CDV3: variants seen among roughly 807,000 people sequenced by gnomAD.
The protein encoded by CDV3 is protein CDV3 homolog.
A neutral mutation model predicts 24.5 loss-of-function variants in CDV3; 14 were observed. The ratio of observed to expected loss-of-function variants is 0.57; its 90% CI spans 0.38 to 0.89. The LOEUF (loss-of-function observed/expected upper bound fraction) is 0.89. CDV3 is among the 40% of genes least tolerant of loss of function. CDV3 has a pLI of 0.00. For missense variants in CDV3, 304 were observed against 310.2 expected, an observed-to-expected ratio of 0.98 and a Z score of 0.15; for synonymous variants, 114 against 114.1, an observed-to-expected ratio of 1.00 and a Z score of 0.00.
At chr3:133,582,533 C>A (rs1476823239) in intron 2 of CDV3, among the ~76,000 whole-genome samples, 1 of 152,200 alleles carries the variant, frequency 6.6e-6, no homozygotes, top group Non-Finnish European at 1.5e-5. Context: ...TAGTCAAGAA[C>A]TTTGTCTTAT....
chr3:133,585,560 T>C (rs914587567), intron 3 of CDV3, among the ~76,000 whole-genome samples: 12 of 151,244 alleles, frequency 7.9e-5, no homozygotes, highest in African/African-American at 2.7e-4. Context: ...AGTGGCACAA[T>C]CTTGGGTCAC....
At chr3:133,579,632 A>T (rs2074941039) in intron 2 of CDV3, among the ~76,000 whole-genome samples, 1 of 150,458 alleles carries the variant, frequency 6.6e-6, no homozygotes, top group African/African-American at 2.5e-5. Context: ...TGCTTTTGTT[A>T]CCCAGGCTGG....
At chr3:133,583,280 T>C (rs1404651954) in intron 2 of CDV3, among the ~76,000 whole-genome samples, 4 of 152,228 alleles carry the variant, frequency 2.6e-5, no homozygotes, top group Non-Finnish European at 5.9e-5. Flanking sequence ...ATTCTGAGAG[T>C]ATTTTATGTG....
chr3:133,582,131 G>GGTAA (rs1198219793), intron 2 of CDV3, among the ~76,000 whole-genome samples: 2 of 151,982 alleles, frequency 1.3e-5, no homozygotes, highest in Non-Finnish European at 2.9e-5. Context: ...CTGGTTGGTA[G>GGTAA]GTAATTCATA....
chr3:133,585,523 C>G (rs1169446006), intron 3 of CDV3, among the ~76,000 whole-genome samples: 1 of 146,256 alleles, frequency 6.8e-6, no homozygotes, highest in Non-Finnish European at 1.5e-5. Flanking sequence ...AAGACAAAGT[C>G]TCACTCTCTT....
chr3:133,583,429 C>A (rs1054119304), intron 2 of CDV3, among the ~76,000 whole-genome samples: 1 of 152,204 alleles, frequency 6.6e-6, no homozygotes, highest in African/African-American at 2.4e-5. Context: ...CTTCAGCTCA[C>A]CTTCTTCTCT....
intron 2 of CDV3, among the ~76,000 whole-genome samples, chr3:133,579,852 C>T (rs570533317): frequency 1.1e-4 from 16 of 152,174 alleles, no homozygotes; most frequent in South Asian, 2.1e-4. Flanking sequence ...CTCTGCCTCC[C>T]AAGATGCTGG....
chr3:133,586,110 T>C (rs1263125699), intron 3 of CDV3, among the ~76,000 whole-genome samples: 1 of 152,132 alleles, frequency 6.6e-6, no homozygotes, highest in Non-Finnish European at 1.5e-5. Context: ...TTTTTCTTTT[T>C]TGAGAGCCGG....
In CDV3 at chr3:133,574,261, G is replaced by T; in HGVS notation, c.217G>T (p.Ala73Ser). 1.0e-6 allele frequency: 1 copy of T among 988,374 alleles called. No homozygotes were observed. Among genetic ancestry groups the T allele is most frequent in the Non-Finnish European group, 1.2e-6 (1 of 832,348 alleles). 61.2% of individuals were successfully genotyped at this position (988,374 alleles called of 1,614,324 possible). ...CAGCGCGGGGGCTGCGGGCCCAGGG[G>T]CCGCCACCAAGGCTGTGACGAAGGT... is the stretch of plus-strand genomic sequence containing the variant. ...TASAGAAGPG[A>S]ATKAVTKDED... is the part of the protein sequence containing the mutation. The change falls in exon 1 of 5, where the codon GCC becomes TCC. Residue 73 changes from alanine to serine, a missense_variant. Physicochemically the swap from Ala to Ser is moderately conservative, Grantham distance 99. Coordinates refer to ENST00000264993, the MANE Select transcript of CDV3 (RefSeq NM_017548.5).
At chr3:133,587,784 C>T (rs1933766366) in intron 4 of CDV3, 112 bp from the exon 5 acceptor site, 17 of 1,480,164 alleles carry the variant, frequency 1.1e-5, no homozygotes, top group South Asian at 3.0e-5. Context: ...TCCACTCCTA[C>T]CCCTCCCCAG....
intron 3 of CDV3, among the ~76,000 whole-genome samples, chr3:133,585,739 G>A (rs1489406678): frequency 6.6e-6 from 1 of 152,062 alleles, no homozygotes; most frequent in African/African-American, 2.4e-5. Context: ...CAGGTGATCT[G>A]CCTGCCTCGG....
chr3:133,583,774 C>T (rs1473777523), intron 2 of CDV3, among the ~76,000 whole-genome samples: 1 of 152,146 alleles, frequency 6.6e-6, no homozygotes, highest in Admixed American at 6.5e-5. Flanking sequence ...GTTGCCCAGC[C>T]TGGTCTTGAA....
At chr3:133,582,785 G>A (rs990990554) in intron 2 of CDV3, among the ~76,000 whole-genome samples, 2 of 152,162 alleles carry the variant, frequency 1.3e-5, no homozygotes, top group Non-Finnish European at 2.9e-5. Context: ...CCATTGTCAT[G>A]AAAAATAATT....
Position 133,589,226 on chromosome 3 carries a change from C to G in CDV3, c.*1180C>G, listed in dbSNP as rs531383345. ...TTGTGCATGATCTTTGATAAGAATT[C>G]CTCATGTACTTGTGCCTAGTTTTTC... On this transcript the variant is annotated 3_prime_UTR_variant, in exon 5 of 5. Coordinates refer to ENST00000264993, the MANE Select transcript of CDV3 (RefSeq NM_017548.5). The G allele has an allele frequency of 5.9e-5, 9 of 152,570 alleles. No individual in the cohort carries two copies. The highest frequency in any genetic ancestry group is 1.9e-4 in the African/African-American group (8 of 41,422). 9.5% of individuals were successfully genotyped at this position (152,570 alleles called of 1,614,324 possible). A position where few individuals can be genotyped will look rare whatever the true frequency, so the allele number is the denominator to read the frequency against.
intron 1 of CDV3, 107 bp from the exon 2 acceptor site, chr3:133,574,932 T>C: frequency 1.2e-6 from 1 of 800,800 alleles, no homozygotes; most frequent in Non-Finnish European, 2.1e-6. Flanking sequence ...GACAAGTACA[T>C]ACTTAGTTTA....
chr3:133,576,191 T>C (rs887559165), intron 2 of CDV3, among the ~76,000 whole-genome samples: 5 of 152,236 alleles, frequency 3.3e-5, no homozygotes, highest in African/African-American at 1.2e-4. Context: ...TTTGTGAGCT[T>C]AACCAAAGTG....
chr3:133,588,498 A>G lies in CDV3; in HGVS notation c.*452A>G. 1.1e-6 allele frequency: 1 copy of G among 914,034 alleles called. No individual in the cohort carries two copies. Among genetic ancestry groups the G allele is most frequent in the East Asian group, 2.6e-5 (1 of 37,870 alleles). The allele number at this position is 914,034 out of a possible 1,614,324, so 56.6% of individuals were successfully genotyped here. On this transcript the variant is annotated 3_prime_UTR_variant, in exon 5 of 5. Coordinates refer to ENST00000264993, the MANE Select transcript of CDV3 (RefSeq NM_017548.5). ...ACCAGCTCTACTGGATTCTTATCAG[A>G]AATCCTGCATAAAAAGTCAGCCATC...
Position 133,588,214 on chromosome 3 carries a change from G to C in CDV3, c.*168G>C. 1 of 1,537,690 alleles carries C rather than the reference G, an allele frequency of 6.5e-7. No individual in the cohort carries two copies. The highest frequency in any genetic ancestry group is 8.8e-7 in the Non-Finnish European group (1 of 1,141,422). On this transcript the variant is annotated 3_prime_UTR_variant, in exon 5 of 5. Transcript: ENST00000264993. ...AGTTAAAGTGTCACGACTGCTCTAT[G>C]CATATTGGATTTAGGGGAATTTTCA... is the stretch of plus-strand genomic sequence containing the variant.
intron 4 of CDV3, 170 bp from the exon 5 acceptor site, chr3:133,587,726 G>T: frequency 7.1e-7 from 1 of 1,400,372 alleles, no homozygotes; most frequent in Non-Finnish European, 9.3e-7. Context: ...TGTGTTTTCT[G>T]TTTGAATTGA....
Sources: allele counts gnomAD v4.1 joint callset (sites outside exome capture counted in the v4.1 genomes callset), GRCh38; gene constraint gnomAD v4.1.1; transcripts MANE v1.5; gene names NCBI Gene and HGNC (gene_info 2026-07-23, HGNC 2026-07-21).